CLASP2: variants seen among roughly 807,000 people sequenced by gnomAD.
CLASP2 encodes the protein CLIP-associating protein 2.
CLASP2 carries 47 observed loss-of-function variants against 194.4 expected under a neutral mutation model. The ratio of observed to expected loss-of-function variants is 0.24; its 90% confidence interval spans 0.19 to 0.31. The LOEUF (loss-of-function observed/expected upper bound fraction) is 0.31. Among genes scored for constraint, CLASP2 ranks in the 10% least tolerant of loss-of-function variants. CLASP2 has a pLI of 1.00. For synonymous variants in CLASP2, 619 were observed against 633.5 expected (o/e 0.98, Z 0.34); for missense variants, 1,445 against 1,823.6 (o/e 0.79, Z 3.78).
intron 36 of CLASP2, 143 bp downstream of exon 36, chr3:33,515,880 A>G: frequency 1.5e-6 from 1 of 682,118 alleles, no homozygotes; most frequent in Non-Finnish European, 2.2e-6. Flanking sequence ...AGAAAAAAAT[A>G]TGCTTGCATC....
At chr3:33,550,921 A>C (rs2059920726) in intron 30 of CLASP2, among the ~76,000 whole-genome samples, 1 of 152,224 alleles carries the variant, frequency 6.6e-6, no homozygotes, top group Non-Finnish European at 1.5e-5. Context: ...TAGATTAAAA[A>C]CAAGTCTAAA....
intron 6 of CLASP2, among the ~76,000 whole-genome samples, chr3:33,678,133 A>T (rs1172672041): frequency 4.6e-5 from 7 of 152,100 alleles, no homozygotes; most frequent in Non-Finnish European, 8.8e-5. Flanking sequence ...CATCTATAAA[A>T]GATGGAACAT....
chr3:33,583,739 A>G (rs1314964485), intron 22 of CLASP2, among the ~76,000 whole-genome samples: 1 of 152,230 alleles, frequency 6.6e-6, no homozygotes, highest in Admixed American at 6.5e-5. Flanking sequence ...ATATGAGAAT[A>G]TTTTTTAAAG....
chr3:33,680,028 G>A (rs1324709668), intron 6 of CLASP2, among the ~76,000 whole-genome samples: 1 of 152,114 alleles, frequency 6.6e-6, no homozygotes, highest in Non-Finnish European at 1.5e-5. Context: ...CCAGATAATG[G>A]AAAAGTTTTC....
At chr3:33,602,671 C>T in intron 18 of CLASP2, 2 of 705,514 alleles carry the variant, frequency 2.8e-6, no homozygotes, top group South Asian at 3.0e-5. Context: ...CCCTTAGAAA[C>T]CAGTGGCTAG....
chr3:33,706,781 G>C (rs1481009622), intron 1 of CLASP2, among the ~76,000 whole-genome samples: 1 of 151,854 alleles, frequency 6.6e-6, no homozygotes, highest in African/African-American at 2.4e-5. Flanking sequence ...GGGCAACATA[G>C]GGAGACCCTA....
chr3:33,601,871 C>T (rs2072310279), intron 18 of CLASP2, among the ~76,000 whole-genome samples: 1 of 152,164 alleles, frequency 6.6e-6, no homozygotes, highest in Non-Finnish European at 1.5e-5. Context: ...ATTCTCTGCA[C>T]TTCTAACAGG....
chr3:33,567,958 T>C (rs1457689862), intron 26 of CLASP2, among the ~76,000 whole-genome samples: 1 of 152,238 alleles, frequency 6.6e-6, no homozygotes, highest in Non-Finnish European at 1.5e-5. Context: ...GGCTTTAAAT[T>C]ATACATTTGC....
At chr3:33,549,033 A>T (rs1328538764) in intron 30 of CLASP2, among the ~76,000 whole-genome samples, 1 of 150,558 alleles carries the variant, frequency 6.6e-6, no homozygotes, top group African/African-American at 2.5e-5. Context: ...TTGGGATTAC[A>T]GGTGTGAGCC....
intron 6 of CLASP2, among the ~76,000 whole-genome samples, chr3:33,670,402 T>C (rs2086940582): frequency 1.3e-5 from 2 of 152,230 alleles, no homozygotes; most frequent in African/African-American, 4.8e-5. Flanking sequence ...TGCACTTTTC[T>C]GTATGGAGTT....
intron 6 of CLASP2, among the ~76,000 whole-genome samples, chr3:33,681,655 T>A (rs1362133881): frequency 6.6e-6 from 1 of 152,166 alleles, no homozygotes; most frequent in East Asian, 1.9e-4. Flanking sequence ...TTGGAGTACA[T>A]AAAGGTTTTA....
At chr3:33,638,954 A>G (rs2080755319) in intron 8 of CLASP2, among the ~76,000 whole-genome samples, 1 of 152,364 alleles carries the variant, frequency 6.6e-6, no homozygotes, top group East Asian at 1.9e-4. Context: ...ATAGGCAAAT[A>G]AAGTATGGGA....
intron 37 of CLASP2, among the ~76,000 whole-genome samples, chr3:33,508,282 G>A (rs912004299): frequency 6.6e-6 from 1 of 152,082 alleles, no homozygotes; most frequent in East Asian, 1.9e-4. Context: ...GCTTCCCAAA[G>A]TGCTAGGATT....
At chr3:33,645,286 A>G in intron 7 of CLASP2, 1 of 765,246 alleles carries the variant, frequency 1.3e-6, no homozygotes, top group Non-Finnish European at 2.4e-6. Context: ...ACTTACAATC[A>G]CAGATCCGTT....
At chr3:33,597,131 C>T (rs1218766450) in intron 18 of CLASP2, among the ~76,000 whole-genome samples, 1 of 151,984 alleles carries the variant, frequency 6.6e-6, no homozygotes, top group African/African-American at 2.4e-5. Flanking sequence ...ACACTTAGGC[C>T]CTCTCATCAT....
At chr3:33,677,317 A>G (rs1423667467) in intron 6 of CLASP2, among the ~76,000 whole-genome samples, 2 of 151,224 alleles carry the variant, frequency 1.3e-5, no homozygotes, top group Admixed American at 6.6e-5. Flanking sequence ...ATGTCCAACA[A>G]TGATAGACTG....
At chr3:33,515,165 A>C (rs2050944754) in intron 36 of CLASP2, among the ~76,000 whole-genome samples, 1 of 152,156 alleles carries the variant, frequency 6.6e-6, no homozygotes, top group African/African-American at 2.4e-5. Flanking sequence ...AGAAATCACC[A>C]CTAAAGAACT....
At chr3:33,532,749 G>A (rs892547360) in intron 34 of CLASP2, among the ~76,000 whole-genome samples, 1 of 152,088 alleles carries the variant, frequency 6.6e-6, no homozygotes, top group Non-Finnish European at 1.5e-5. Flanking sequence ...TCTTTAGTAT[G>A]GGACTCTTCA....
At chr3:33,603,168 C>A in intron 17 of CLASP2, 43 bp from the exon 18 acceptor site, 1 of 1,484,620 alleles carries the variant, frequency 6.7e-7, no homozygotes, top group Non-Finnish European at 9.0e-7. Context: ...ATTTAAATCA[C>A]TGAAAACATG....
Sources: allele counts gnomAD v4.1 joint callset (sites outside exome capture counted in the v4.1 genomes callset), GRCh38; gene constraint gnomAD v4.1.1; transcripts MANE v1.5; gene names NCBI Gene and HGNC (gene_info 2026-07-23, HGNC 2026-07-21).